The following DTX4 variants were observed in gnomAD, a reference collection of about 807,000 sequenced individuals.
DTX4 encodes the protein deltex E3 ubiquitin ligase 4, also known as E3 ubiquitin-protein ligase DTX4.
A neutral mutation model predicts 57.6 loss-of-function variants in DTX4; 28 were observed. That is an observed-to-expected ratio of 0.49 (90% CI 0.36 to 0.67). The LOEUF (loss-of-function observed/expected upper bound fraction) is 0.67, where lower values mean the gene tolerates loss of function less well. Ranked by LOEUF, DTX4 falls within the 30% of genes least tolerant of loss-of-function variation. The pLI is 0.00. For missense variants in DTX4, 715 were observed against 836.8 expected, an observed-to-expected ratio of 0.85 and a Z score of 1.80; for synonymous variants, 316 against 331.0, an observed-to-expected ratio of 0.95 and a Z score of 0.49.
intron 2 of DTX4, among the ~76,000 whole-genome samples, chr11:59,184,228 A>G (rs1001397746): frequency 1.3e-5 from 2 of 152,196 alleles, no homozygotes; most frequent in African/African-American, 4.8e-5. Flanking sequence ...GATTGCTAGC[A>G]TGGAGGAGGG....
Position 59,205,238 on chromosome 11 carries a change from G to A in DTX4, c.*329G>A, listed in dbSNP as rs576788116. Reference sequence around the variant, plus strand: ...GCATGGTCAGCACACCTAGGGTATGGGCAGTGCTTAGGCACTCCATATCCT... The same window carrying A: ...GCATGGTCAGCACACCTAGGGTATGAGCAGTGCTTAGGCACTCCATATCCT... On this transcript the variant is annotated 3_prime_UTR_variant, in exon 9 of 9. Transcript: ENST00000227451. 3.3e-6 allele frequency: 1 copy of A among 299,438 alleles called. No individual in the cohort carries two copies. The highest frequency in any genetic ancestry group is 7.1e-5 in the East Asian group (1 of 13,990). 18.5% of individuals were successfully genotyped at this position (299,438 alleles called of 1,614,324 possible).
intron 8 of DTX4, 60 bp downstream of exon 8, chr11:59,199,833 T>C (rs1862720198): frequency 7.1e-7 from 1 of 1,411,462 alleles, no homozygotes; most frequent in Non-Finnish European, 9.8e-7. Context: ...AGTTTACTTC[T>C]ATGTCAAGGC....
rs545014354 is a variant in DTX4 at position 59,195,141 on chromosome 11, G to A, written c.1375-67G>A. ...GGCCCTTCATCTCTGGTACCTTTTG[G>A]GACTGGGTGGGAAAGTTATTACCAA... On this transcript the variant is annotated intron_variant, in intron 6 of 8. Transcript: ENST00000227451. The A allele has an allele frequency of 3.6e-5, 56 of 1,557,602 alleles. No homozygotes were observed. In the South Asian group the frequency reaches 5.8e-4, roughly 16 times the overall value.
intron 6 of DTX4, among the ~76,000 whole-genome samples, chr11:59,193,375 A>C (rs187758415): frequency 3.5e-4 from 53 of 152,226 alleles, no homozygotes; most frequent in Admixed American, 8.5e-4. Context: ...AGCCTATTTG[A>C]TTGAAGTTCC....
chr11:59,173,558 TTGTC>T (rs1356955682), intron 1 of DTX4, among the ~76,000 whole-genome samples: 1 of 152,074 alleles, frequency 6.6e-6, no homozygotes, highest in African/African-American at 2.4e-5. Flanking sequence ...GCCGCTCCCT[TTGTC>T]TGCGGAGGAG....
At chr11:59,177,257 C>T (rs1372228132) in intron 1 of DTX4, among the ~76,000 whole-genome samples, 2 of 152,186 alleles carry the variant, frequency 1.3e-5, no homozygotes, top group African/African-American at 4.8e-5. Context: ...CATGCCCAGG[C>T]CCTGGAGATG....
At chr11:59,192,338 A>T in intron 6 of DTX4, 88 bp downstream of exon 6, 1 of 1,505,244 alleles carries the variant, frequency 6.6e-7, no homozygotes, top group Non-Finnish European at 9.2e-7. Context: ...GCCCTTGCTC[A>T]AGTGATCTGG....
At chr11:59,187,271 T>A (rs182176774) in intron 2 of DTX4, among the ~76,000 whole-genome samples, 1 of 152,382 alleles carries the variant, frequency 6.6e-6, no homozygotes, top group Non-Finnish European at 1.5e-5. Flanking sequence ...AGCTGTGTGA[T>A]CTTACCAAGT....
chr11:59,182,632 AG>A (rs1807870619), intron 2 of DTX4, among the ~76,000 whole-genome samples, 170 bp downstream of exon 2: 1 of 152,016 alleles, frequency 6.6e-6, no homozygotes, highest in African/African-American at 2.4e-5. Flanking sequence ...TGGATAAGGG[AG>A]GGTTTGATGC....
chr11:59,191,603 G>A (rs1862600130), intron 5 of DTX4, among the ~76,000 whole-genome samples: 1 of 152,178 alleles, frequency 6.6e-6, no homozygotes, highest in South Asian at 2.1e-4. Flanking sequence ...CAGGGATGGT[G>A]CTAACCACCC....
intron 8 of DTX4, 58 bp from the exon 9 acceptor site, chr11:59,204,618 G>T: frequency 6.7e-7 from 1 of 1,484,340 alleles, no homozygotes; most frequent in Non-Finnish European, 9.2e-7. Flanking sequence ...CCGTCCAAGG[G>T]ATAGTCTTTG....
At position 59,176,417 on chromosome 11, in the gene DTX4, G is replaced by T. The variant is rs115589609; in HGVS notation, c.211+3611G>T. Among the ~76,000 whole-genome samples, 945 of 152,348 alleles carry T rather than the reference G, an allele frequency of 6.2e-3. 10 individuals are homozygous for T. The highest frequency in any genetic ancestry group is 0.022 in the African/African-American group (913 of 41,576). On this transcript the variant is annotated intron_variant, in intron 1 of 8. Coordinates refer to ENST00000227451, the MANE Select transcript of DTX4 (RefSeq NM_015177.2). ...GGGTTTACAGCTAGTCAATGGCAGG[G>T]CCGAGATTCTGAATTAGGTGCCCTA...
intron 5 of DTX4, among the ~76,000 whole-genome samples, chr11:59,191,462 C>T (rs1287505105): frequency 6.6e-6 from 1 of 152,204 alleles, no homozygotes; most frequent in Non-Finnish European, 1.5e-5. Context: ...AAGAACTCAC[C>T]TTAAAATGGG....
At chr11:59,200,911 A>T (rs1241032044) in intron 8 of DTX4, among the ~76,000 whole-genome samples, 1 of 152,218 alleles carries the variant, frequency 6.6e-6, no homozygotes, top group Non-Finnish European at 1.5e-5. Flanking sequence ...TTTATTCGTC[A>T]TGCACTTTGC....
In DTX4 at chr11:59,172,582, G is replaced by T. The variant is rs1334954763; in HGVS notation, c.-14G>T. ...GGGAGGCGGGCCGCGCAGCGCCGCA[G>T]CCCCGGGCTCGCCATGCTCCTGGCC... On this transcript the variant is annotated 5_prime_UTR_variant, in exon 1 of 9. Coordinates refer to ENST00000227451, the MANE Select transcript of DTX4 (RefSeq NM_015177.2). The T allele has an allele frequency of 2.1e-6, 3 of 1,433,830 alleles. No homozygotes were observed. Among genetic ancestry groups the T allele is most frequent in the Non-Finnish European group, 2.7e-6 (3 of 1,096,922 alleles). The allele number at this position is 1,433,830 out of a possible 1,614,324, so 88.8% of individuals were successfully genotyped here.
chr11:59,182,446 G>A lies in DTX4; in HGVS notation c.919G>A (p.Val307Met), dbSNP rs748258535. ...LQRLAIAQSR[V>M]LIASGVPTVP... Reference sequence around the variant, plus strand: ...GCGACTGGCCATTGCCCAGTCCCGGGTGCTGATCGCCTCTGGGTAAGTGCT... The same window carrying A: ...GCGACTGGCCATTGCCCAGTCCCGGATGCTGATCGCCTCTGGGTAAGTGCT... The change falls in exon 2 of 9, where the codon GTG becomes ATG. Residue 307 changes from valine (V) to methionine (M), a missense_variant. By Grantham distance (21) the Val-to-Met change is conservative. Coordinates refer to ENST00000227451, the MANE Select transcript of DTX4 (RefSeq NM_015177.2). 5.6e-6 allele frequency: 9 copies of A among 1,607,830 alleles called. No homozygotes were observed. Among genetic ancestry groups the A allele is most frequent in the Non-Finnish European group, 7.6e-6 (9 of 1,176,628 alleles).
chr11:59,190,130 G>A (rs1862578400), intron 4 of DTX4, among the ~76,000 whole-genome samples: 2 of 152,154 alleles, frequency 1.3e-5, no homozygotes, highest in South Asian at 2.1e-4. Context: ...GGCCTGCATC[G>A]AAGCTTTTGG....
intron 8 of DTX4, 60 bp from the exon 9 acceptor site, chr11:59,204,616 G>A: frequency 6.8e-7 from 1 of 1,477,778 alleles, no homozygotes; most frequent in Non-Finnish European, 9.2e-7. Context: ...TACCGTCCAA[G>A]GGATAGTCTT....
intron 2 of DTX4, among the ~76,000 whole-genome samples, chr11:59,184,356 C>T (rs1054692374): frequency 6.6e-6 from 1 of 152,234 alleles, no homozygotes; most frequent in Admixed American, 6.5e-5. Flanking sequence ...TCAGTTTCCT[C>T]ATCTGTAAGA....
Sources: gnomAD v4.1 joint callset for allele counts (sites outside exome capture counted in the v4.1 genomes callset) on GRCh38, gnomAD v4.1.1 for gene constraint, MANE v1.5 for transcripts, NCBI Gene and HGNC (gene_info 2026-07-23, HGNC 2026-07-21) for gene names.